ADGRB3: variants seen among roughly 807,000 people sequenced by gnomAD.
ADGRB3 encodes the protein adhesion G protein-coupled receptor B3, also known as brain-specific angiogenesis inhibitor 3.
In ADGRB3, 37 loss-of-function variants were observed where a neutral mutation model predicts 193.4. That is an observed-to-expected ratio of 0.19 (90% CI 0.15 to 0.25). The LOEUF (loss-of-function observed/expected upper bound fraction) is 0.25. Among genes scored for constraint, ADGRB3 ranks in the 10% least tolerant of loss-of-function variants. ADGRB3 has a pLI of 1.00. For synonymous variants in ADGRB3, 690 were observed against 644.2 expected (o/e 1.07, Z -1.08); for missense variants, 1,637 against 1,852.9 (o/e 0.88, Z 2.14).
rs1213600959 is a variant in ADGRB3 at position 69,256,021 on chromosome 6, G to A, written c.2814+16795G>A. Among the ~76,000 whole-genome samples, 6 of 151,870 alleles carry A rather than the reference G, an allele frequency of 4.0e-5. No individual in the cohort carries two copies. In the East Asian group the frequency reaches 5.8e-4, roughly 15 times the overall value. ...AAAGATCAGAGAGTTGTAGATATGC[G>A]GCATTATTTCTGAGGGCTCTGTTCT... On this transcript the variant is annotated intron_variant, in intron 20 of 31. Transcript: ENST00000370598.
chr6:69,238,972 TTTAGAAAC>T (rs1346162279), intron 19 of ADGRB3, 144 bp from the exon 20 acceptor site: 1 of 406,144 alleles, frequency 2.5e-6, no homozygotes, highest in African/African-American at 2.1e-5. Context: ...AATTTTTTAT[TTTAGAAAC>T]TATTTTTATA....
intron 3 of ADGRB3, among the ~76,000 whole-genome samples, chr6:68,759,215 A>AT (rs886246442): frequency 2.0e-5 from 3 of 152,140 alleles, no homozygotes; most frequent in Non-Finnish European, 4.4e-5. Context: ...TTATTATTAT[A>AT]TAGAGTGTAT....
intron 20 of ADGRB3, among the ~76,000 whole-genome samples, chr6:69,304,676 A>G (rs1236594034): frequency 2.0e-5 from 3 of 151,614 alleles, no homozygotes; most frequent in Non-Finnish European, 2.9e-5. Flanking sequence ...GCAGTAGTTA[A>G]CAGTATAGAA....
intron 17 of ADGRB3, among the ~76,000 whole-genome samples, chr6:69,099,857 T>C (rs1197822072): frequency 6.6e-6 from 1 of 152,226 alleles, no homozygotes; most frequent in East Asian, 1.9e-4. Flanking sequence ...GAGCCAGGCT[T>C]AATGCCATTA....
chr6:69,205,447 AC>A (rs1313326321), intron 17 of ADGRB3, among the ~76,000 whole-genome samples: 1 of 152,078 alleles, frequency 6.6e-6, no homozygotes, highest in Non-Finnish European at 1.5e-5. Context: ...CAAACAAACA[AC>A]AAACAAATCA....
At chr6:68,721,935 A>G (rs1765590228) in intron 3 of ADGRB3, among the ~76,000 whole-genome samples, 1 of 151,438 alleles carries the variant, frequency 6.6e-6, no homozygotes, top group African/African-American at 2.4e-5. Context: ...TATTAATGCA[A>G]CTACACAATA....
At chr6:68,700,387 A>G (rs888710252) in intron 3 of ADGRB3, among the ~76,000 whole-genome samples, 1 of 152,108 alleles carries the variant, frequency 6.6e-6, no homozygotes, top group African/African-American at 2.4e-5. Flanking sequence ...AATCAATATA[A>G]GAGGAGGTTA....
chr6:69,378,061 A>G (rs947698573), intron 30 of ADGRB3, among the ~76,000 whole-genome samples: 3 of 152,066 alleles, frequency 2.0e-5, no homozygotes, highest in African/African-American at 7.2e-5. Flanking sequence ...GGTATTCAGT[A>G]TACATTTATT....
chr6:69,115,675 A>T (rs1243197312), intron 17 of ADGRB3, among the ~76,000 whole-genome samples: 1 of 152,224 alleles, frequency 6.6e-6, no homozygotes, highest in Non-Finnish European at 1.5e-5. Flanking sequence ...GATCATATAC[A>T]GCCTTTGTGG....
At chr6:69,314,241 C>T (rs903935481) in intron 20 of ADGRB3, among the ~76,000 whole-genome samples, 3 of 151,628 alleles carry the variant, frequency 2.0e-5, no homozygotes, top group African/African-American at 4.8e-5. Flanking sequence ...ATCTGTGGAA[C>T]AGATTTTTTT....
chr6:69,047,341 T>C (rs933944721), intron 13 of ADGRB3, among the ~76,000 whole-genome samples: 11 of 151,528 alleles, frequency 7.3e-5, no homozygotes, highest in Non-Finnish European at 1.0e-4. Flanking sequence ...TGCTGGAGTA[T>C]TTATCATCAT....
chr6:68,994,577 G>A (rs1769332037), intron 11 of ADGRB3, among the ~76,000 whole-genome samples: 1 of 152,118 alleles, frequency 6.6e-6, no homozygotes, highest in Non-Finnish European at 1.5e-5. Flanking sequence ...CCCAATGTCA[G>A]TATTGCCTTT....
At chr6:68,872,759 T>C (rs1204848796) in intron 3 of ADGRB3, among the ~76,000 whole-genome samples, 1 of 152,138 alleles carries the variant, frequency 6.6e-6, no homozygotes, top group Non-Finnish European at 1.5e-5. Context: ...TGCCTTTAAA[T>C]GTAACCCTAA....
intron 17 of ADGRB3, among the ~76,000 whole-genome samples, chr6:69,137,142 ACT>A (rs1051736500): frequency 1.4e-5 from 2 of 145,844 alleles, no homozygotes; most frequent in African/African-American, 5.1e-5. Context: ...GTTTCTTATA[ACT>A]CCTGCATTTT....
intron 3 of ADGRB3, among the ~76,000 whole-genome samples, chr6:68,797,745 C>G (rs368277352): frequency 6.6e-6 from 1 of 152,088 alleles, no homozygotes; most frequent in East Asian, 1.9e-4. Context: ...AGACGTCATC[C>G]CCTTCATTAA....
In ADGRB3 at chr6:69,205,677, A is replaced by G. The variant is rs114809792; in HGVS notation, c.2481-27613A>G. Among the ~76,000 whole-genome samples, 1,122 of 152,190 alleles carry G rather than the reference A, an allele frequency of 7.4e-3. 12 individuals are homozygous for G. The highest frequency in any genetic ancestry group is 0.025 in the African/African-American group (1,045 of 41,530). The stretch of plus-strand genomic sequence containing the variant: ...GAGAGGGCAAACTCTTGGGCCAAAC[A>G]TATCTTTTTATCAGGATATGTTTTA... On this transcript the variant is annotated intron_variant, in intron 17 of 31. Transcript: ENST00000370598.
At chr6:68,794,834 T>C (rs1209477491) in intron 3 of ADGRB3, among the ~76,000 whole-genome samples, 1 of 152,120 alleles carries the variant, frequency 6.6e-6, no homozygotes, top group African/African-American at 2.4e-5. Flanking sequence ...TATATGACTA[T>C]TTACTGTGGT....
chr6:69,019,571 T>C (rs889932184), intron 13 of ADGRB3, among the ~76,000 whole-genome samples: 3 of 151,984 alleles, frequency 2.0e-5, no homozygotes, highest in African/African-American at 7.2e-5. Context: ...TTACAATAGG[T>C]TATAGTTAAC....
Position 68,971,082 on chromosome 6 carries a change from A to G in ADGRB3, c.1526-3681A>G, listed in dbSNP as rs140410023. On this transcript the variant is annotated intron_variant, in intron 8 of 31. Transcript: ENST00000370598. ...AACTGGCTACGCCAGCCTAAACCCA[A>G]GAAAGATACCTGAACCAAAGAAACA... Among the ~76,000 whole-genome samples, 380 of 152,344 alleles carry G rather than the reference A, an allele frequency of 2.5e-3. 2 individuals are homozygous for G. The highest frequency in any genetic ancestry group is 5.1e-3 in the Admixed American group (78 of 15,296).
Sources: allele counts gnomAD v4.1 joint callset (sites outside exome capture counted in the v4.1 genomes callset), GRCh38; gene constraint gnomAD v4.1.1; transcripts MANE v1.5; gene names NCBI Gene and HGNC (gene_info 2026-07-23, HGNC 2026-07-21).